The following GAPVD1 variants were observed in gnomAD, a reference collection of about 807,000 sequenced individuals.
The protein encoded by GAPVD1 is GTPase activating protein and VPS9 domains 1.
A neutral mutation model predicts 155.5 loss-of-function variants in GAPVD1; 35 were observed. That is an observed-to-expected ratio of 0.23 (90% CI 0.17 to 0.30). The LOEUF is 0.30. Among genes scored for constraint, GAPVD1 ranks in the 10% least tolerant of loss-of-function variants. The pLI is 1.00. For synonymous variants in GAPVD1, 636 were observed against 619.7 expected (o/e 1.03, Z -0.39); for missense variants, 1,429 against 1,775.7 (o/e 0.80, Z 3.51).
At chr9:125,308,261 G>A (rs1033250564) in intron 8 of GAPVD1, 4 of 235,982 alleles carry the variant, frequency 1.7e-5, no homozygotes, top group Admixed American at 1.0e-4. Flanking sequence ...TGGGGAGATT[G>A]CTTGAGCCTG....
In GAPVD1 at chr9:125,305,559, C is replaced by CG. The variant is rs942613707; in HGVS notation, c.1116+414dup. On this transcript the variant is annotated intron_variant, in intron 6 of 27. Transcript: ENST00000297933. ...CTAATTTTTGTATTTTTAGTAGAGA[C>CG]GGGGTTTCACCTTCTTGGCCAGGCT... Among the ~76,000 whole-genome samples the CG allele has an allele frequency of 1.4e-4, 22 of 152,100 alleles. No individual in the cohort carries two copies. In the East Asian group the frequency reaches 3.1e-3, roughly 21 times the overall value.
intron 23 of GAPVD1, among the ~76,000 whole-genome samples, 156 bp from the exon 24 acceptor site, chr9:125,354,498 T>A (rs114663665): frequency 5.3e-5 from 8 of 152,352 alleles, no homozygotes; most frequent in African/African-American, 1.7e-4. Flanking sequence ...CCTGACATGC[T>A]ACTTTGTATA....
chr9:125,288,427 C>A (rs1255534171), intron 2 of GAPVD1, among the ~76,000 whole-genome samples: 1 of 151,888 alleles, frequency 6.6e-6, no homozygotes, highest in Non-Finnish European at 1.5e-5. Context: ...TATTTAATGA[C>A]AATTTATATT....
chr9:125,353,059 A>C (rs544819743), intron 23 of GAPVD1, among the ~76,000 whole-genome samples: 1 of 152,158 alleles, frequency 6.6e-6, no homozygotes, highest in African/African-American at 2.4e-5. Flanking sequence ...GTGAGCTGAG[A>C]TCACGCCACT....
intron 23 of GAPVD1, among the ~76,000 whole-genome samples, chr9:125,352,614 A>G (rs1047955852): frequency 3.3e-5 from 5 of 152,324 alleles, no homozygotes; most frequent in Non-Finnish European, 5.9e-5. Context: ...TGGGCCTGTG[A>G]TGAGAGGGTC....
rs868641441 is a variant in GAPVD1 at position 125,293,784 on chromosome 9, A to T, written c.-149-1674A>T. 5.7e-3 allele frequency among the ~76,000 whole-genome samples: 726 copies of T among 127,922 alleles called. 9 individuals carry two copies. The highest frequency in any genetic ancestry group is 0.02 in the African/African-American group (696 of 34,358). 83.9% of individuals were successfully genotyped at this position (127,922 alleles called of 152,430 possible). ...CATTTTTATATTATATATAATATAA[A>T]ATAAAATATATAAAAATTTTTATAT... is the stretch of plus-strand genomic sequence containing the variant. On this transcript the variant is annotated intron_variant, in intron 2 of 27. Transcript: ENST00000297933.
At position 125,321,993 on chromosome 9, in the gene GAPVD1, A is replaced by G. The variant is rs150720777; in HGVS notation, c.1732+431A>G. 2.3e-3 allele frequency among the ~76,000 whole-genome samples: 348 copies of G among 152,318 alleles called. 1 individual carries two copies. The highest frequency in any genetic ancestry group is 4.2e-3 in the Non-Finnish European group (289 of 68,038). On this transcript the variant is annotated intron_variant, in intron 10 of 27. Transcript: ENST00000297933. ...CACATACCTTTATGAAGCAGAAGACAATGGAAATAGGTATTAAAAAGAAAA... is the reference window on the plus strand; with the variant it reads ...CACATACCTTTATGAAGCAGAAGACGATGGAAATAGGTATTAAAAAGAAAA...
In GAPVD1 at chr9:125,355,624, A is replaced by T. The variant is rs1268362833; in HGVS notation, c.3758-20A>T. ...ATAGTTTTTATTAAACTATTTAAAA[A>T]TTATTATTTTGCTTTGGAGACTTTC... On this transcript the variant is annotated intron_variant, in intron 24 of 27. Coordinates refer to ENST00000297933, the MANE Select transcript of GAPVD1 (RefSeq NM_001282680.3). 1.4e-6 allele frequency: 2 copies of T among 1,442,708 alleles called. No individual in the cohort carries two copies. The highest frequency in any genetic ancestry group is 3.8e-5 in the Admixed American group (2 of 52,778). The allele number at this position is 1,442,708 out of a possible 1,614,324, so 89.4% of individuals were successfully genotyped here. A position where few individuals can be genotyped will look rare whatever the true frequency, so the allele number is the denominator to read the frequency against.
chr9:125,305,527 C>T (rs879496989), intron 6 of GAPVD1, among the ~76,000 whole-genome samples: 2 of 152,094 alleles, frequency 1.3e-5, no homozygotes, highest in Non-Finnish European at 2.9e-5. Context: ...CCTGCCACTA[C>T]ACCCGGCTAA....
chr9:125,281,005 G>A (rs1836703537), intron 2 of GAPVD1, among the ~76,000 whole-genome samples: 1 of 152,152 alleles, frequency 6.6e-6, no homozygotes, highest in Non-Finnish European at 1.5e-5. Context: ...AGAAATTAGT[G>A]CAAATGTAAT....
chr9:125,346,837 T>C lies in GAPVD1; in HGVS notation c.3065T>C (p.Leu1022Pro). Residue 1022 changes from leucine to proline, a missense_variant, in exon 20 of 28, where the codon CTC becomes CCC. Physicochemically the swap from Leu to Pro is moderately conservative, Grantham distance 98. This residue lies in a region of GAPVD1 where 699 missense variants were observed against 826.0 expected (regional missense o/e 0.85). Transcript: ENST00000297933. ...STLTDDPSPR[L>P]SAQAQVAEDI... ...CTTGCAGATGATCCCAGCCCTAGAC[T>C]CAGTGCACAAGCTCAGGTGGCTGAG... 1 of 1,613,976 alleles carries C rather than the reference T, an allele frequency of 6.2e-7. No homozygotes were observed. Among genetic ancestry groups the C allele is most frequent in the Non-Finnish European group, 8.5e-7 (1 of 1,179,896 alleles).
At chr9:125,274,260 TGCCGG>T (rs1209852344) in intron 2 of GAPVD1, among the ~76,000 whole-genome samples, 6 of 151,998 alleles carry the variant, frequency 3.9e-5, no homozygotes, top group Non-Finnish European at 7.4e-5. Flanking sequence ...TAAAGTGATC[TGCCGG>T]CCTCGGCCTC....
rs771125182 is a variant in GAPVD1, at chr9:125,312,444, T to C, written c.1442-8T>C. 45 of 1,549,258 alleles carry C rather than the reference T, an allele frequency of 2.9e-5. No homozygotes were observed. The highest frequency in any genetic ancestry group is 1.7e-4 in the Middle Eastern group (1 of 5,968). ...CTCTAAATTATTTTATTTGAAATTT[T>C]TTATTAGCAACTCGGAGCAGAAGCC... On this transcript the variant is annotated splice_polypyrimidine_tract_variant and splice_region_variant and intron_variant, in intron 8 of 27. Transcript: ENST00000297933.
In GAPVD1 at chr9:125,261,828, A is replaced by C. The variant is rs1236387116; in HGVS notation, c.-330A>C. On this transcript the variant is annotated 5_prime_UTR_variant, in exon 1 of 28. Transcript: ENST00000297933. ...TGGCGGCAGCGCCGCTGCAGGACGC[A>C]GGGAAGCCAACAGGCGAGTGGCGAA... 6.6e-6 allele frequency: 1 copy of C among 152,394 alleles called. No individual in the cohort carries two copies. The highest frequency in any genetic ancestry group is 1.5e-5 in the Non-Finnish European group (1 of 68,152). 9.4% of individuals were successfully genotyped at this position (152,394 alleles called of 1,614,324 possible). A position where few individuals can be genotyped will look rare whatever the true frequency, so the allele number is the denominator to read the frequency against.
chr9:125,268,171 A>C (rs534155212), intron 1 of GAPVD1, among the ~76,000 whole-genome samples: 61 of 149,560 alleles, frequency 4.1e-4, no homozygotes, highest in African/African-American at 6.4e-4. Context: ...TCTCAAAAAA[A>C]AACAACAACA....
In GAPVD1 at chr9:125,302,302, C is replaced by T; in HGVS notation, c.505C>T (p.Arg169Ter). The change falls in exon 5 of 28, where the codon CGA becomes TGA. Residue 169 changes from arginine to a stop codon, truncating the protein, a stop_gained. Coordinates refer to ENST00000297933, the MANE Select transcript of GAPVD1 (RefSeq NM_001282680.3). LOFTEE classifies it high-confidence loss of function. ...ACTTAAAGAAAGTGACAACCCTAGG[C>T]GACTTTTGAGGAGAGGAACTTGTGC... is the stretch of plus-strand genomic sequence containing the variant. ...FELKESDNPR[R>*]LLRRGTCAFS... The T allele has an allele frequency of 1.2e-6, 2 of 1,613,786 alleles. No individual in the cohort carries two copies. Among genetic ancestry groups the T allele is most frequent in the Non-Finnish European group, 1.7e-6 (2 of 1,179,726 alleles).
At chr9:125,333,201 C>T (rs1325188566) in intron 15 of GAPVD1, among the ~76,000 whole-genome samples, 1 of 151,968 alleles carries the variant, frequency 6.6e-6, no homozygotes, top group African/African-American at 2.4e-5. Context: ...CTGCCTCAGC[C>T]TCCCCAGTAG....
intron 13 of GAPVD1, 89 bp downstream of exon 13, chr9:125,330,307 G>T: frequency 2.3e-5 from 18 of 782,148 alleles, no homozygotes; most frequent in South Asian, 8.3e-5. Context: ...TGTATATTTT[G>T]TCAAATACAC....
chr9:125,309,860 G>T, intron 8 of GAPVD1: 2 of 366,986 alleles, frequency 5.4e-6, no homozygotes, highest in Non-Finnish European at 1.2e-5. Flanking sequence ...CATTTATTTC[G>T]TATCTTAACA....
Sources: gnomAD v4.1 joint callset for allele counts (sites outside exome capture counted in the v4.1 genomes callset) on GRCh38, gnomAD v4.1.1 for gene constraint, gnomAD v4.1.1 regional missense constraint, MANE v1.5 for transcripts, NCBI Gene and HGNC (gene_info 2026-07-23, HGNC 2026-07-21) for gene names.